OMA1: variants seen among roughly 807,000 people sequenced by gnomAD.
OMA1 encodes the protein metalloendopeptidase OMA1, mitochondrial.
A neutral mutation model predicts 30.9 loss-of-function variants in OMA1; 38 were observed. The observed-to-expected ratio is 1.23, with a 90% CI of 0.95 to 1.61. The LOEUF (loss-of-function observed/expected upper bound fraction) is 1.61. Ranked by LOEUF, OMA1 falls within the 40% of genes most tolerant of loss-of-function variation. OMA1 has a pLI of 0.00. For synonymous variants in OMA1, 173 were observed against 121.9 expected, an observed-to-expected ratio of 1.42 and a Z score of -2.76; for missense variants, 461 against 349.2, an observed-to-expected ratio of 1.32 and a Z score of -2.55.
chr1:58,519,625 C>T (rs1003515077), intron 7 of OMA1, among the ~76,000 whole-genome samples: 9 of 151,976 alleles, frequency 5.9e-5, no homozygotes, highest in African/African-American at 2.2e-4. Context: ...TTATATGAAA[C>T]ATCCAGCATT....
chr1:58,514,047 C>T (rs1483158565), intron 7 of OMA1, among the ~76,000 whole-genome samples: 6 of 152,182 alleles, frequency 3.9e-5, no homozygotes, highest in Non-Finnish European at 7.3e-5. Context: ...TGCAAAGCAG[C>T]CATTCCAGGA....
chr1:58,500,644 A>T (rs1645891514), intron 8 of OMA1, among the ~76,000 whole-genome samples: 1 of 152,208 alleles, frequency 6.6e-6, no homozygotes, highest in Non-Finnish European at 1.5e-5. Flanking sequence ...CTCTAAAAAC[A>T]TTTAAAAATA....
intron 7 of OMA1, among the ~76,000 whole-genome samples, chr1:58,522,851 T>C (rs561982195): frequency 6.6e-6 from 1 of 152,336 alleles, no homozygotes; most frequent in East Asian, 1.9e-4. Flanking sequence ...AAGTGGATCA[T>C]CATAAATGTC....
At chr1:58,516,622 A>T (rs969224051) in intron 7 of OMA1, among the ~76,000 whole-genome samples, 6 of 152,214 alleles carry the variant, frequency 3.9e-5, no homozygotes, top group Admixed American at 3.9e-4. Context: ...GTAGCAGAGG[A>T]GCAGCAGAGA....
intron 8 of OMA1, among the ~76,000 whole-genome samples, chr1:58,488,139 T>C (rs1410686866): frequency 6.6e-6 from 1 of 152,192 alleles, no homozygotes; most frequent in East Asian, 1.9e-4. Flanking sequence ...TAAAAACTCA[T>C]GAAAATATAA....
At chr1:58,509,642 G>C (rs113470887) in intron 7 of OMA1, among the ~76,000 whole-genome samples, 20 of 145,924 alleles carry the variant, frequency 1.4e-4, no homozygotes, top group Admixed American at 6.1e-4. Context: ...CAGAAGGAGG[G>C]AAATAATAAA....
At chr1:58,544,562 C>A (rs1382149370) in intron 1 of OMA1, among the ~76,000 whole-genome samples, 1 of 152,102 alleles carries the variant, frequency 6.6e-6, no homozygotes, top group Non-Finnish European at 1.5e-5. Context: ...TTTAAACCTC[C>A]ACTCAGGCAA....
intron 8 of OMA1, among the ~76,000 whole-genome samples, chr1:58,497,286 C>G (rs1379385821): frequency 6.6e-6 from 1 of 152,064 alleles, no homozygotes; most frequent in Non-Finnish European, 1.5e-5. Context: ...GACGTAAGGA[C>G]CAAATGCAAT....
At chr1:58,509,303 G>A (rs749842724) in intron 7 of OMA1, among the ~76,000 whole-genome samples, 1 of 151,440 alleles carries the variant, frequency 6.6e-6, no homozygotes, top group African/African-American at 2.4e-5. Flanking sequence ...AACAATGTAC[G>A]AACAAAGTGA....
intron 7 of OMA1, among the ~76,000 whole-genome samples, chr1:58,515,578 T>C (rs770630337): frequency 6.6e-6 from 1 of 152,200 alleles, no homozygotes; most frequent in Non-Finnish European, 1.5e-5. Flanking sequence ...TTCCAAATAA[T>C]GTATGCATTA....
chr1:58,488,712 A>G (rs1336226776), intron 8 of OMA1, among the ~76,000 whole-genome samples: 1 of 152,130 alleles, frequency 6.6e-6, no homozygotes, highest in African/African-American at 2.4e-5. Flanking sequence ...GGCCTCCAAA[A>G]GTGCTGGGAT....
chr1:58,532,070 G>C (rs1646442645), intron 5 of OMA1, among the ~76,000 whole-genome samples: 1 of 152,074 alleles, frequency 6.6e-6, no homozygotes, highest in Admixed American at 6.6e-5. Flanking sequence ...TTATAGAAGA[G>C]AAAGCCCTTG....
At chr1:58,481,859 G>A (rs1449271709) in intron 8 of OMA1, among the ~76,000 whole-genome samples, 6 of 152,100 alleles carry the variant, frequency 3.9e-5, no homozygotes, top group African/African-American at 7.2e-5. Context: ...CTCCTCATTC[G>A]CCTTCCACCA....
At chr1:58,537,457 T>G (rs1048021900) in intron 2 of OMA1, among the ~76,000 whole-genome samples, 1 of 152,190 alleles carries the variant, frequency 6.6e-6, no homozygotes, top group Non-Finnish European at 1.5e-5. Flanking sequence ...AAAGGAGAGA[T>G]AACAAGATCC....
At chr1:58,484,920 G>A (rs1238819365) in intron 8 of OMA1, among the ~76,000 whole-genome samples, 1 of 152,042 alleles carries the variant, frequency 6.6e-6, no homozygotes, top group Non-Finnish European at 1.5e-5. Context: ...GAATGAGTAG[G>A]CACAGAGTGT....
chr1:58,543,903 G>A (rs1226425369), intron 1 of OMA1, among the ~76,000 whole-genome samples: 4 of 152,186 alleles, frequency 2.6e-5, no homozygotes, highest in African/African-American at 9.7e-5. Flanking sequence ...TGTGGCTACT[G>A]AGCATTTGAA....
At chr1:58,526,965 A>C (rs1012838506) in intron 7 of OMA1, among the ~76,000 whole-genome samples, 6 of 152,090 alleles carry the variant, frequency 3.9e-5, no homozygotes, top group African/African-American at 4.8e-5. Context: ...ACACGCAAAA[A>C]ATTATTTCCA....
At chr1:58,530,832 C>T in intron 5 of OMA1, 103 bp from the exon 6 acceptor site, 1 of 669,786 alleles carries the variant, frequency 1.5e-6, no homozygotes, top group Admixed American at 2.5e-5. Context: ...ACCTTCTCCA[C>T]CTAAGACTGA....
intron 7 of OMA1, among the ~76,000 whole-genome samples, chr1:58,512,569 A>G (rs1269137266): frequency 6.6e-6 from 1 of 152,212 alleles, no homozygotes; most frequent in East Asian, 1.9e-4. Context: ...ATTTGGCCTT[A>G]AAAAAGGAAA....
Sources: allele counts gnomAD v4.1 joint callset (sites outside exome capture counted in the v4.1 genomes callset), GRCh38; gene constraint gnomAD v4.1.1; transcripts MANE v1.5; gene names NCBI Gene and HGNC (gene_info 2026-07-23, HGNC 2026-07-21).